The following MYO9A variants were observed in gnomAD, a reference collection of about 807,000 sequenced individuals.
The protein encoded by MYO9A is unconventional myosin-IXa.
In MYO9A, 103 loss-of-function variants were observed where a neutral mutation model predicts 293.3. The observed-to-expected ratio is 0.35, with a 90% CI of 0.30 to 0.41. MYO9A has a LOEUF of 0.41. Ranked by LOEUF, MYO9A falls within the 10% of genes least tolerant of loss-of-function variation. MYO9A has a pLI of 1.00. For synonymous variants in MYO9A, 1,001 were observed against 1,035.7 expected, an observed-to-expected ratio of 0.97 and a Z score of 0.64; for missense variants, 2,685 against 3,033.0, an observed-to-expected ratio of 0.89 and a Z score of 2.69.
chr15:72,030,226 C>A (rs919823536), intron 3 of MYO9A, among the ~76,000 whole-genome samples: 2 of 152,164 alleles, frequency 1.3e-5, no homozygotes, highest in Non-Finnish European at 2.9e-5. Flanking sequence ...AGGAAATTAA[C>A]ATGAATATGT....
chr15:71,876,871 T>C (rs1235013740), intron 31 of MYO9A, among the ~76,000 whole-genome samples: 2 of 152,176 alleles, frequency 1.3e-5, no homozygotes, highest in African/African-American at 4.8e-5. Flanking sequence ...ATAACCATAG[T>C]ACAGAACAAT....
intron 15 of MYO9A, among the ~76,000 whole-genome samples, chr15:71,943,511 C>T (rs1374923286): frequency 6.6e-6 from 1 of 151,998 alleles, no homozygotes; most frequent in East Asian, 1.9e-4. Flanking sequence ...TATCAGGCTT[C>T]ATAACATGTA....
rs1405438817 is a variant in MYO9A, at chr15:72,118,005, C to G, written c.-397G>C. 2.5e-6 allele frequency: 1 copy of G among 398,666 alleles called. No individual in the cohort carries two copies. Among genetic ancestry groups the G allele is most frequent in the Admixed American group, 4.4e-5 (1 of 22,674 alleles). The allele number at this position is 398,666 out of a possible 1,614,324, so 24.7% of individuals were successfully genotyped here. A position where few individuals can be genotyped will look rare whatever the true frequency, so the allele number is the denominator to read the frequency against. On this transcript the variant is annotated 5_prime_UTR_variant, in exon 1 of 42. Transcript: ENST00000356056. ...AACTACTGCCTCCGCCGCCGCCTCT[C>G]GCAGTCCGGGCTGTCCTGTACTCTC...
chr15:72,111,839 T>C (rs1027261021), intron 1 of MYO9A, among the ~76,000 whole-genome samples: 1 of 151,968 alleles, frequency 6.6e-6, no homozygotes, highest in African/African-American at 2.4e-5. Flanking sequence ...AGAGACAAGG[T>C]CTCCTATGTT....
At chr15:71,897,282 G>C in intron 25 of MYO9A, 179 bp downstream of exon 25, 1 of 665,560 alleles carries the variant, frequency 1.5e-6, no homozygotes, top group Non-Finnish European at 2.5e-6. Context: ...GGATTCCTAG[G>C]ATATAACTAC....
At chr15:71,986,198 TAAGA>T (rs2076403792) in intron 11 of MYO9A, among the ~76,000 whole-genome samples, 1 of 152,206 alleles carries the variant, frequency 6.6e-6, no homozygotes, top group Non-Finnish European at 1.5e-5. Flanking sequence ...GTATTAAGTA[TAAGA>T]AACTGAGAGA....
chr15:71,921,914 T>C (rs2058164975), intron 18 of MYO9A, among the ~76,000 whole-genome samples: 1 of 152,156 alleles, frequency 6.6e-6, no homozygotes, highest in Admixed American at 6.5e-5. Context: ...GTTCCTTCTC[T>C]CACTTTGCAA....
intron 6 of MYO9A, 41 bp from the exon 7 acceptor site, chr15:72,010,488 A>G: frequency 6.6e-7 from 1 of 1,526,042 alleles, no homozygotes; most frequent in Non-Finnish European, 9.0e-7. Context: ...AAGATTATAT[A>G]TTTTAAAATA....
chr15:71,822,631 T>TA lies in MYO9A; in HGVS notation c.*3948dup, dbSNP rs2054319887. 6.6e-6 allele frequency: 1 copy of TA among 152,174 alleles called. No homozygotes were observed. Among genetic ancestry groups the TA allele is most frequent in the Non-Finnish European group, 1.5e-5 (1 of 68,034 alleles). 9.4% of individuals were successfully genotyped at this position (152,174 alleles called of 1,614,324 possible). ...ACACTCAGCATACTTATAAATTACTTAAAATCCATTAAAATAATATAATAC... is the reference window on the plus strand; with the variant it reads ...ACACTCAGCATACTTATAAATTACTTAAAAATCCATTAAAATAATATAATAC... On this transcript the variant is annotated 3_prime_UTR_variant, in exon 42 of 42. Coordinates refer to ENST00000356056, the MANE Select transcript of MYO9A (RefSeq NM_006901.4).
intron 13 of MYO9A, among the ~76,000 whole-genome samples, chr15:71,965,385 C>T (rs906939852): frequency 1.3e-5 from 2 of 151,900 alleles, no homozygotes; most frequent in African/African-American, 4.8e-5. Context: ...AAAAAATCTA[C>T]AATTATGATG....
Position 71,826,706 on chromosome 15 carries a change from G to A in MYO9A, c.7521C>T (p.Asn2507=). 6.2e-7 allele frequency: 1 copy of A among 1,614,138 alleles called. No individual in the cohort carries two copies. The highest frequency in any genetic ancestry group is 8.5e-7 in the Non-Finnish European group (1 of 1,179,996). ...KGKQKLKNVK[N]SPQKTKETPE... Reference sequence around the variant, plus strand: ...GGGTCTCTTTGGTTTTCTGAGGTGAGTTTTTCACATTCTTTAATTTTTGTT... The same window carrying A: ...GGGTCTCTTTGGTTTTCTGAGGTGAATTTTTCACATTCTTTAATTTTTGTT... The change falls in exon 42 of 42, where the codon AAC becomes AAT. Residue 2507 remains asparagine, a synonymous_variant. Coordinates refer to ENST00000356056, the MANE Select transcript of MYO9A (RefSeq NM_006901.4).
chr15:72,068,632 A>AT (rs1014025499), intron 1 of MYO9A, among the ~76,000 whole-genome samples: 13 of 151,564 alleles, frequency 8.6e-5, no homozygotes, highest in African/African-American at 3.2e-4. Context: ...TGCCTGGTTA[A>AT]TTTTTTTTAT....
chr15:71,830,325 T>C lies in MYO9A; in HGVS notation c.6838-14A>G, dbSNP rs1038833606. ...ACGCCCCTTTCCCTGCAGAGAAAAA[T>C]TCATGTTAGAAAGTAAATTGAGTGA... On this transcript the variant is annotated splice_polypyrimidine_tract_variant and intron_variant, in intron 39 of 41. Transcript: ENST00000356056. The C allele has an allele frequency of 6.2e-7, 1 of 1,612,184 alleles. No individual in the cohort carries two copies. Among genetic ancestry groups the C allele is most frequent in the South Asian group, 1.1e-5 (1 of 90,952 alleles).
At chr15:71,883,418 T>C (rs937001831) in intron 28 of MYO9A, among the ~76,000 whole-genome samples, 176 bp downstream of exon 28, 1 of 152,202 alleles carries the variant, frequency 6.6e-6, no homozygotes, top group African/African-American at 2.4e-5. Flanking sequence ...AAACTTCTAT[T>C]GTAGGAAAAA....
rs910670863 is a variant in MYO9A at position 71,862,611 on chromosome 15, C to A, written c.5980G>T (p.Val1994Leu). Residue 1994 changes from valine to leucine, a missense_variant and splice_region_variant, in exon 33 of 42, where the codon GTG (valine) becomes TTG (leucine). Val to Leu is a conservative substitution (Grantham distance 32). Transcript: ENST00000356056. ...KKRRKKETDL[V>L]EEHNGHIFKA... ...AAGATGTGACCATTGTGTTCTTCCA[C>A]CTGAATGAAAAAATTTAGCTACTTA... The A allele has an allele frequency of 6.2e-7, 1 of 1,600,366 alleles. No individual in the cohort carries two copies. The highest frequency in any genetic ancestry group is 8.6e-7 in the Non-Finnish European group (1 of 1,168,632).
chr15:71,942,546 T>A (rs2058805504), intron 15 of MYO9A, among the ~76,000 whole-genome samples: 1 of 152,060 alleles, frequency 6.6e-6, no homozygotes, highest in Admixed American at 6.5e-5. Context: ...ACCTTAACTA[T>A]TATATGCTTT....
At chr15:72,080,955 G>T (rs1262237362) in intron 1 of MYO9A, among the ~76,000 whole-genome samples, 2 of 151,868 alleles carry the variant, frequency 1.3e-5, no homozygotes, top group Admixed American at 1.3e-4. Context: ...TTTCTTTACC[G>T]GTCTACCACT....
intron 1 of MYO9A, among the ~76,000 whole-genome samples, chr15:72,070,923 A>G (rs937887762): frequency 3.3e-5 from 5 of 152,248 alleles, no homozygotes; most frequent in Admixed American, 2.6e-4. Flanking sequence ...TTAAGCACTT[A>G]AATGTAAGAC....
chr15:71,917,798 T>C (rs1189684476), intron 18 of MYO9A, among the ~76,000 whole-genome samples: 3 of 152,148 alleles, frequency 2.0e-5, no homozygotes, highest in Non-Finnish European at 4.4e-5. Flanking sequence ...AATCTTAATG[T>C]ATGAGAAACA....
Sources: gnomAD v4.1 joint callset for allele counts (sites outside exome capture counted in the v4.1 genomes callset) on GRCh38, gnomAD v4.1.1 for gene constraint, MANE v1.5 for transcripts, NCBI Gene and HGNC (gene_info 2026-07-23, HGNC 2026-07-21) for gene names.